UBE3D: variants seen among roughly 807,000 people sequenced by gnomAD.
UBE3D encodes ubiquitin protein ligase E3D.
A neutral mutation model predicts 49.6 loss-of-function variants in UBE3D; 48 were observed. The ratio of observed to expected loss-of-function variants is 0.97; its 90% CI spans 0.77 to 1.23. UBE3D has a LOEUF of 1.23. UBE3D is among the 50% of genes most tolerant of loss of function. The pLI is 0.00. For synonymous variants in UBE3D, 189 were observed against 174.2 expected (o/e 1.08, Z -0.67); for missense variants, 452 against 468.4 (o/e 0.96, Z 0.32).
At chr6:82,976,527 G>A (rs139679226) in intron 8 of UBE3D, among the ~76,000 whole-genome samples, 168 of 152,130 alleles carry the variant, frequency 1.1e-3, no homozygotes, top group African/African-American at 3.9e-3. Flanking sequence ...CTCCCAACCT[G>A]TTTAAGTTTT....
intron 5 of UBE3D, among the ~76,000 whole-genome samples, chr6:83,030,362 T>C (rs761575044): frequency 1.3e-5 from 2 of 152,168 alleles, no homozygotes; most frequent in Non-Finnish European, 2.9e-5. Context: ...CATGTTCTCA[T>C]GATAATGAAT....
Position 83,002,875 on chromosome 6 carries a change from T to C in UBE3D, c.1010+16098A>G, listed in dbSNP as rs149442745. Among the ~76,000 whole-genome samples, 572 of 152,328 alleles carry C rather than the reference T, an allele frequency of 3.8e-3. 7 individuals carry two copies. The highest frequency in any genetic ancestry group is 0.012 in the African/African-American group (515 of 41,560). On this transcript the variant is annotated intron_variant, in intron 8 of 9. Transcript: ENST00000369747. ...AGAATCCAGATAAATACATTTCTGT[T>C]GTTTATAAATTATCTAGTCTCAGGT...
chr6:82,932,391 T>C (rs554646998), intron 9 of UBE3D, among the ~76,000 whole-genome samples: 1 of 152,282 alleles, frequency 6.6e-6, no homozygotes, highest in South Asian at 2.1e-4. Flanking sequence ...TTAAATGGTG[T>C]ATCTGGTCCT....
At chr6:82,985,760 C>T (rs10455137) in intron 8 of UBE3D, among the ~76,000 whole-genome samples, 26,858 of 152,022 alleles carry the variant, frequency 0.18, 2,544 homozygotes, top group African/African-American at 0.24. Flanking sequence ...TATCTCAGCA[C>T]CCCAACGCTA....
intron 9 of UBE3D, among the ~76,000 whole-genome samples, chr6:82,944,634 A>G (rs1397610712): frequency 6.6e-6 from 1 of 152,234 alleles, no homozygotes; most frequent in Non-Finnish European, 1.5e-5. Context: ...GCTTGGTCAC[A>G]GTTGGGTAGA....
intron 4 of UBE3D, among the ~76,000 whole-genome samples, chr6:83,038,994 AT>A (rs1017547453): frequency 6.6e-6 from 1 of 152,216 alleles, no homozygotes; most frequent in Non-Finnish European, 1.5e-5. Flanking sequence ...ATATACTTCC[AT>A]TTTTTCCACT....
At chr6:82,926,039 T>C (rs1365760572) in intron 9 of UBE3D, among the ~76,000 whole-genome samples, 1 of 151,866 alleles carries the variant, frequency 6.6e-6, no homozygotes, top group Non-Finnish European at 1.5e-5. Context: ...CTCAAGAGGA[T>C]ATAAAAACAA....
At chr6:82,984,993 T>TTTC (rs1454620406) in intron 8 of UBE3D, among the ~76,000 whole-genome samples, 1 of 138,790 alleles carries the variant, frequency 7.2e-6, no homozygotes, top group East Asian at 2.1e-4. Context: ...AATTTTTTTC[T>TTTC]TTCTTCTTCT....
chr6:82,951,021 T>C (rs1582444119), intron 9 of UBE3D, among the ~76,000 whole-genome samples: 1 of 151,280 alleles, frequency 6.6e-6, no homozygotes. Flanking sequence ...AAAGAAAGAA[T>C]AAGATCTAAT....
At chr6:82,956,438 G>A (rs1776161814) in intron 9 of UBE3D, among the ~76,000 whole-genome samples, 1 of 152,108 alleles carries the variant, frequency 6.6e-6, no homozygotes, top group South Asian at 2.1e-4. Context: ...CATCTTGCTG[G>A]CCAGTCTACA....
In UBE3D at chr6:83,063,277, G is replaced by A. The variant is rs752887130; in HGVS notation, c.77+2365C>T. 2.1e-4 allele frequency: 45 copies of A among 212,128 alleles called. 2 individuals carry two copies. In the South Asian group the frequency reaches 2.2e-3, roughly 10 times the overall value. The allele number at this position is 212,128 out of a possible 1,614,324, so 13.1% of individuals were successfully genotyped here. ...AAAAATACAAAAATTAGCTGGGCAT[G>A]GTGGCATGCAACTTGTATCCCAGCT... On this transcript the variant is annotated intron_variant, in intron 1 of 9. Coordinates refer to ENST00000369747, the MANE Select transcript of UBE3D (RefSeq NM_198920.3).
chr6:83,065,827 G>A lies in UBE3D; in HGVS notation c.-109C>T, dbSNP rs966962155. The A allele has an allele frequency of 3.4e-6, 4 of 1,159,606 alleles. No homozygotes were observed. Among genetic ancestry groups the A allele is most frequent in the Non-Finnish European group, 4.9e-6 (4 of 814,902 alleles). 71.8% of individuals were successfully genotyped at this position (1,159,606 alleles called of 1,614,324 possible). A position where few individuals can be genotyped will look rare whatever the true frequency, so the allele number is the denominator to read the frequency against. On this transcript the variant is annotated 5_prime_UTR_variant, in exon 1 of 10. Coordinates refer to ENST00000369747, the MANE Select transcript of UBE3D (RefSeq NM_198920.3). ...GACCAACCAGCGGCAGCCCCGCTGCGGCGCAGGCGCCTGTGCCAGATCGCA... is the reference window on the plus strand; with the variant it reads ...GACCAACCAGCGGCAGCCCCGCTGCAGCGCAGGCGCCTGTGCCAGATCGCA...
intron 8 of UBE3D, among the ~76,000 whole-genome samples, chr6:82,966,410 G>A (rs1276301490): frequency 1.4e-5 from 1 of 72,092 alleles, no homozygotes; most frequent in East Asian, 2.9e-4. Context: ...CAGCACTTTG[G>A]GAGGCCGAGG....
chr6:82,888,514 G>A (rs1401238386), downstream of UBE3D, among the ~76,000 whole-genome samples: 1 of 152,022 alleles, frequency 6.6e-6, no homozygotes, highest in African/African-American at 2.4e-5. Flanking sequence ...TATAATAGGG[G>A]AGAAAGGTGA....
chr6:82,952,608 T>C (rs1317700528), intron 9 of UBE3D, among the ~76,000 whole-genome samples: 2 of 152,040 alleles, frequency 1.3e-5, no homozygotes, highest in Non-Finnish European at 2.9e-5. Flanking sequence ...ATTTTTTACA[T>C]AGATGGTGTC....
chr6:82,892,333 C>T (rs905212733), downstream of UBE3D: 2 of 153,906 alleles, frequency 1.3e-5, no homozygotes, highest in African/African-American at 2.4e-5. Flanking sequence ...CTCTATCCTT[C>T]TCACTGAAAG....
intron 8 of UBE3D, among the ~76,000 whole-genome samples, chr6:82,991,035 T>C (rs1362431423): frequency 2.0e-5 from 3 of 152,182 alleles, no homozygotes; most frequent in African/African-American, 7.2e-5. Flanking sequence ...TCCAAGATGG[T>C]ACCTTCACAG....
intron 9 of UBE3D, among the ~76,000 whole-genome samples, chr6:82,914,615 G>C (rs1303661757): frequency 1.3e-5 from 2 of 152,036 alleles, no homozygotes; most frequent in African/African-American, 4.8e-5. Context: ...TGAAGGAAAG[G>C]CTTCTGCTGC....
At chr6:82,961,991 CGT>C (rs56273130) in intron 8 of UBE3D, among the ~76,000 whole-genome samples, 6 of 147,758 alleles carry the variant, frequency 4.1e-5, no homozygotes, top group African/African-American at 7.4e-5. Context: ...ATTTTTTATA[CGT>C]GTGTGTGTGT....
Sources: gnomAD v4.1 joint callset for allele counts (sites outside exome capture counted in the v4.1 genomes callset) on GRCh38, gnomAD v4.1.1 for gene constraint, MANE v1.5 for transcripts, NCBI Gene and HGNC (gene_info 2026-07-23, HGNC 2026-07-21) for gene names.